TMCO4: variants seen among roughly 807,000 people sequenced by gnomAD.
TMCO4 encodes the protein transmembrane and coiled-coil domains 4.
A neutral mutation model predicts 64.7 loss-of-function variants in TMCO4; 58 were observed. The observed-to-expected ratio is 0.90, with a 90% CI of 0.73 to 1.12. TMCO4 has a LOEUF of 1.12. Ranked by LOEUF, TMCO4 falls within the 50% of genes most tolerant of loss-of-function variation. TMCO4 has a pLI of 0.00. For synonymous variants in TMCO4, 325 were observed against 346.1 expected, an observed-to-expected ratio of 0.94 and a Z score of 0.68; for missense variants, 780 against 825.9, an observed-to-expected ratio of 0.94 and a Z score of 0.68.
At chr1:19,699,241 A>C (rs1166617419) in intron 14 of TMCO4, among the ~76,000 whole-genome samples, 1 of 151,842 alleles carries the variant, frequency 6.6e-6, no homozygotes, top group Non-Finnish European at 1.5e-5. Context: ...CAAGTAATAA[A>C]CATTATAACT....
intron 14 of TMCO4, among the ~76,000 whole-genome samples, chr1:19,700,471 C>G (rs1214781137): frequency 6.6e-6 from 1 of 152,166 alleles, no homozygotes; most frequent in African/African-American, 2.4e-5. Flanking sequence ...TCCCTTCCCC[C>G]AGCTCCAACC....
chr1:19,708,077 C>A (rs1011806728), intron 13 of TMCO4, among the ~76,000 whole-genome samples: 4 of 152,108 alleles, frequency 2.6e-5, no homozygotes, highest in Admixed American at 6.5e-5. Flanking sequence ...AGAGCCAAAC[C>A]ATATCACTTG....
At chr1:19,710,448 A>G (rs1343543424) in intron 13 of TMCO4, among the ~76,000 whole-genome samples, 2 of 151,824 alleles carry the variant, frequency 1.3e-5, no homozygotes, top group African/African-American at 2.4e-5. Context: ...CTTCTTTATC[A>G]TCATCATCTC....
Position 19,797,690 on chromosome 1 carries a change from C to G in TMCO4, c.-101+447G>C, listed in dbSNP as rs148266156. On this transcript the variant is annotated intron_variant, in intron 2 of 15. Coordinates refer to ENST00000294543, the MANE Select transcript of TMCO4 (RefSeq NM_181719.7). ...TCAAGACCAGCCCAATATGGTGAAA[C>G]CCCATCTCTACTAAAATACAAAAAT... Among the ~76,000 whole-genome samples, 412 of 151,980 alleles carry G rather than the reference C, an allele frequency of 2.7e-3. 1 individual carries two copies. The highest frequency in any genetic ancestry group is 9.0e-3 in the African/African-American group (374 of 41,454).
chr1:19,733,570 A>G (rs1570803312), intron 13 of TMCO4, among the ~76,000 whole-genome samples: 1 of 152,230 alleles, frequency 6.6e-6, no homozygotes, highest in Non-Finnish European at 1.5e-5. Flanking sequence ...GCTGCACACC[A>G]GAATTGCCCA....
chr1:19,784,798 T>A (rs1234646835), intron 3 of TMCO4, among the ~76,000 whole-genome samples: 2 of 132,852 alleles, frequency 1.5e-5, no homozygotes, highest in Non-Finnish European at 3.2e-5. Context: ...AAGAATTGGT[T>A]TGGGCCACAC....
At chr1:19,753,706 G>A (rs1384857780) in intron 7 of TMCO4, among the ~76,000 whole-genome samples, 1 of 152,210 alleles carries the variant, frequency 6.6e-6, no homozygotes, top group African/African-American at 2.4e-5. Flanking sequence ...GCCACACAGA[G>A]GGTTAGTAGC....
At chr1:19,765,031 C>T (rs74058631) in intron 6 of TMCO4, among the ~76,000 whole-genome samples, 12,704 of 151,942 alleles carry the variant, frequency 0.084, 1,180 homozygotes, top group African/African-American at 0.23. Context: ...TAGAGAGTGC[C>T]GTGGCTCAAG....
chr1:19,691,076 G>C (rs1165991515), intron 15 of TMCO4, among the ~76,000 whole-genome samples: 4 of 152,042 alleles, frequency 2.6e-5, no homozygotes, highest in Non-Finnish European at 2.9e-5. Flanking sequence ...CACTGTGTTA[G>C]CCAGGATGGT....
chr1:19,795,015 GTTGT>G (rs1557638726), intron 2 of TMCO4, among the ~76,000 whole-genome samples: 1 of 152,180 alleles, frequency 6.6e-6, no homozygotes, highest in African/African-American at 2.4e-5. Flanking sequence ...GAGGGAAGTG[GTTGT>G]TTAATGGGTG....
intron 1 of TMCO4, among the ~76,000 whole-genome samples, chr1:19,798,496 T>A (rs749657036): frequency 2.8e-4 from 42 of 152,226 alleles, no homozygotes; most frequent in Admixed American, 4.6e-4. Flanking sequence ...AAGTGTCAGA[T>A]ACTGCACTGG....
chr1:19,756,198 G>A (rs561339978), intron 6 of TMCO4, among the ~76,000 whole-genome samples: 2 of 152,258 alleles, frequency 1.3e-5, no homozygotes, highest in Admixed American at 6.5e-5. Flanking sequence ...GCAGTGAGCC[G>A]TGATCATGTC....
intron 13 of TMCO4, among the ~76,000 whole-genome samples, chr1:19,712,264 G>A (rs1364681996): frequency 6.6e-6 from 1 of 152,168 alleles, no homozygotes; most frequent in Non-Finnish European, 1.5e-5. Flanking sequence ...TGTTTGTGGT[G>A]CCCCAAAACA....
chr1:19,755,787 C>T, intron 6 of TMCO4, 21 bp from the exon 7 acceptor site: 3 of 1,613,760 alleles, frequency 1.9e-6, no homozygotes, highest in Non-Finnish European at 2.5e-6. Flanking sequence ...AGAAACAACA[C>T]CGGAAAAGAA....
At chr1:19,784,362 C>T (rs926160498) in intron 3 of TMCO4, among the ~76,000 whole-genome samples, 1 of 151,922 alleles carries the variant, frequency 6.6e-6, no homozygotes, top group Non-Finnish European at 1.5e-5. Flanking sequence ...AGTGAAACCC[C>T]GTCTCTACTA....
At chr1:19,742,606 T>C (rs892322464) in intron 10 of TMCO4, among the ~76,000 whole-genome samples, 7 of 152,126 alleles carry the variant, frequency 4.6e-5, no homozygotes, top group African/African-American at 1.7e-4. Context: ...AGAGAGGAGA[T>C]GGGCACAGGA....
chr1:19,706,958 G>T (rs556379541), intron 13 of TMCO4, among the ~76,000 whole-genome samples: 2 of 152,318 alleles, frequency 1.3e-5, no homozygotes, highest in South Asian at 4.1e-4. Context: ...TCATTAAATT[G>T]TGCATTTAAA....
rs536823356 is a variant in TMCO4, at chr1:19,790,735, T to C, written c.-100-3618A>G. 7.2e-4 allele frequency among the ~76,000 whole-genome samples: 109 copies of C among 152,310 alleles called. 1 individual carries two copies. Among genetic ancestry groups the C allele is most frequent in the Non-Finnish European group, 9.8e-4 (67 of 68,030 alleles). On this transcript the variant is annotated intron_variant, in intron 2 of 15. Transcript: ENST00000294543. ...GGAATGTAAATTAGTTCAACCATTG[T>C]CGAAGACGGTGTGGCGATTCCTCAA...
intron 13 of TMCO4, among the ~76,000 whole-genome samples, chr1:19,727,461 T>C (rs562437082): frequency 6.6e-6 from 1 of 152,314 alleles, no homozygotes; most frequent in Non-Finnish European, 1.5e-5. Context: ...CTCTGTGAGG[T>C]TGGTGCTATA....
Sources: gnomAD v4.1 joint callset for allele counts (sites outside exome capture counted in the v4.1 genomes callset) on GRCh38, gnomAD v4.1.1 for gene constraint, MANE v1.5 for transcripts, NCBI Gene and HGNC (gene_info 2026-07-23, HGNC 2026-07-21) for gene names.